The following CFAP74 variants were observed in gnomAD, a reference collection of about 807,000 sequenced individuals.
CFAP74 encodes the protein cilia and flagella associated protein 74.
Under a neutral mutation model 188.9 loss-of-function variants are expected in CFAP74, and 124 were observed. That is an observed-to-expected ratio of 0.66 (90% CI 0.57 to 0.76). The LOEUF is 0.76. Ranked by LOEUF, CFAP74 falls within the 30% of genes least tolerant of loss-of-function variation. The probability of loss-of-function intolerance (pLI) is 0.00; values close to 1 mark genes in which losing one functional copy is unlikely to be tolerated. For synonymous variants in CFAP74, 956 were observed against 916.7 expected (o/e 1.04, Z -0.77); for missense variants, 2,198 against 2,165.2 (o/e 1.02, Z -0.30).
At position 1,923,252 on chromosome 1, in the gene CFAP74, C is replaced by G; in HGVS notation, c.4523-107G>C. The G allele has an allele frequency of 3.3e-6, 5 of 1,495,184 alleles. No homozygotes were observed. The highest frequency in any genetic ancestry group is 4.5e-6 in the Non-Finnish European group (5 of 1,113,504). The allele number at this position is 1,495,184 out of a possible 1,614,324, so 92.6% of individuals were successfully genotyped here. On this transcript the variant is annotated intron_variant, in intron 36 of 38. Transcript: ENST00000682832. This position sits in a 1 kb window ranked among gnomAD's most constrained non-coding sequence, Gnocchi z 6.3. Reference sequence around the variant, plus strand: ...TTAGCAGTGGCTGTCCTGCTTGGCTCTGGGGTAGAAGGCTGGGAATCCCTG... The same window carrying G: ...TTAGCAGTGGCTGTCCTGCTTGGCTGTGGGGTAGAAGGCTGGGAATCCCTG...
intron 27 of CFAP74, among the ~76,000 whole-genome samples, chr1:1,928,522 T>C (rs1223625112): frequency 6.6e-6 from 1 of 152,192 alleles, no homozygotes; most frequent in Non-Finnish European, 1.5e-5. Context: ...GCTGCACCCC[T>C]GGGTCACAGC....
Position 1,970,901 on chromosome 1 carries a change from G to T in CFAP74, c.889-85C>A, listed in dbSNP as rs77915279. On this transcript the variant is annotated intron_variant, in intron 9 of 38. Transcript: ENST00000682832. ...CACACCTGCACATGTGCACACACAG[G>T]TTCATACATGCACACGTGCACACAC... 5,300 of 1,521,896 alleles carry T rather than the reference G, an allele frequency of 3.5e-3. 176 individuals are homozygous for T. In the East Asian group the frequency reaches 0.076, roughly 22 times the overall value. The allele number at this position is 1,521,896 out of a possible 1,614,324, so 94.3% of individuals were successfully genotyped here.
chr1:1,950,630 G>A (rs72894732), intron 18 of CFAP74, among the ~76,000 whole-genome samples: 11,766 of 152,114 alleles, frequency 0.077, 1,472 homozygotes, highest in African/African-American at 0.26. Flanking sequence ...GTGAGCCACC[G>A]CGCCTAGGCT....
rs540002704 is a variant in CFAP74, at chr1:1,930,022, C to T, written c.3288+38G>A. ...AGGGGTAAATGCAGGTGGCGTGGAG[C>T]TCCTGCTTCCCAGCCTGCATGTGGG... On this transcript the variant is annotated intron_variant, in intron 26 of 38. Coordinates refer to ENST00000682832, the MANE Select transcript of CFAP74 (RefSeq NM_001304360.2). 30 of 1,478,860 alleles carry T rather than the reference C, an allele frequency of 2.0e-5. No individual in the cohort carries two copies. The South Asian group carries it at 3.7e-4, about 18-fold the overall frequency. 91.6% of individuals were successfully genotyped at this position (1,478,860 alleles called of 1,614,324 possible).
chr1:1,975,610 G>A lies in CFAP74; in HGVS notation c.501-1412C>T, dbSNP rs1340187422. Among the ~76,000 whole-genome samples the A allele has an allele frequency of 2.6e-5, 4 of 152,128 alleles. No individual in the cohort carries two copies. The highest frequency in any genetic ancestry group is 4.4e-5 in the Non-Finnish European group (3 of 68,034). On this transcript the variant is annotated intron_variant, in intron 6 of 38. Transcript: ENST00000682832. This position sits in a 1 kb window ranked among gnomAD's most constrained non-coding sequence, Gnocchi z 4.5. ...TTTTAAACAGAGGGCTCCTTTCCAGGGAGCATGGGTCACTTCGGATCTCTG... is the reference window on the plus strand; with the variant it reads ...TTTTAAACAGAGGGCTCCTTTCCAGAGAGCATGGGTCACTTCGGATCTCTG...
At chr1:1,966,651 G>A in intron 11 of CFAP74, 125 bp from the exon 12 acceptor site, 2 of 782,070 alleles carry the variant, frequency 2.6e-6, no homozygotes, top group Non-Finnish European at 3.6e-6. Flanking sequence ...CACGTACTCT[G>A]CATGGAGATA....
At position 1,966,472 on chromosome 1, in the gene CFAP74, T is replaced by C. The variant is rs1655480087; in HGVS notation, c.1300A>G (p.Ser434Gly). 2 of 1,602,530 alleles carry C rather than the reference T, an allele frequency of 1.2e-6. No homozygotes were observed. Among genetic ancestry groups the C allele is most frequent in the South Asian group, 2.2e-5 (2 of 89,724 alleles). Residue 434 changes from serine (S) to glycine (G), a missense_variant, in exon 12 of 39, where the codon AGT (serine) becomes GGT (glycine). Coordinates refer to ENST00000682832, the MANE Select transcript of CFAP74 (RefSeq NM_001304360.2). The stretch of plus-strand genomic sequence containing the variant: ...CCGGGGTCCCCCTGGATAAGCTCAC[T>C]GGAAACGACTTCCAGCAACCGAGAG... ...GPSRLLEVVS[S>G]ELIQGDPGAS... is the part of the protein sequence containing the mutation.
At chr1:1,964,789 C>G in intron 13 of CFAP74, 99 bp downstream of exon 13, 4 of 1,353,110 alleles carry the variant, frequency 3.0e-6, no homozygotes, top group Non-Finnish European at 4.1e-6. Context: ...GACTCCATCT[C>G]AAAAAAAAGC....
chr1:1,990,705 T>C (rs562524944), intron 2 of CFAP74, among the ~76,000 whole-genome samples, 185 bp downstream of exon 2: 4 of 152,294 alleles, frequency 2.6e-5, no homozygotes, highest in Admixed American at 2.6e-4. Context: ...GCCTTCAACA[T>C]CTCAGCCACA....
intron 20 of CFAP74, 73 bp from the exon 21 acceptor site, chr1:1,944,525 C>T: frequency 4.0e-6 from 6 of 1,484,392 alleles, no homozygotes; most frequent in Non-Finnish European, 4.5e-6. Context: ...AGCACTGACA[C>T]AGCTCCCAGG....
intron 9 of CFAP74, among the ~76,000 whole-genome samples, chr1:1,971,090 T>C (rs563944599): frequency 4.7e-5 from 6 of 127,850 alleles, no homozygotes; most frequent in East Asian, 5.3e-4. Flanking sequence ...CACTCATACA[T>C]GCACACCTGC....
intron 6 of CFAP74, among the ~76,000 whole-genome samples, chr1:1,978,089 C>A (rs890211680): frequency 6.6e-6 from 1 of 152,264 alleles, no homozygotes; most frequent in Non-Finnish European, 1.5e-5. Flanking sequence ...CTCAAGCGAT[C>A]TGCCCACCTT....
chr1:1,932,007 G>A (rs1420540049), intron 25 of CFAP74, among the ~76,000 whole-genome samples: 3 of 145,126 alleles, frequency 2.1e-5, no homozygotes, highest in African/African-American at 7.7e-5. Context: ...TAGAGGTTGC[G>A]GTGAGCTGAG....
At chr1:1,965,134 C>T (rs1047798137) in intron 12 of CFAP74, 73 bp from the exon 13 acceptor site, 14 of 1,454,614 alleles carry the variant, frequency 9.6e-6, no homozygotes, top group African/African-American at 5.6e-5. Flanking sequence ...AGCTCGGAGG[C>T]GAGGGTAGCG....
intron 22 of CFAP74, 105 bp from the exon 23 acceptor site, chr1:1,940,508 G>A (rs1026601936): frequency 1.9e-5 from 15 of 783,534 alleles, no homozygotes; most frequent in South Asian, 7.4e-5. Flanking sequence ...GAGCTACGGC[G>A]TCTCTGGAAC....
chr1:1,955,284 G>T, intron 18 of CFAP74: 1 of 1,295,302 alleles, frequency 7.7e-7, no homozygotes, highest in South Asian at 1.2e-5. Flanking sequence ...CATGGGGAGG[G>T]CAGGGCCCGC....
chr1:1,975,686 T>C lies in CFAP74; in HGVS notation c.501-1488A>G, dbSNP rs1656390762. On this transcript the variant is annotated intron_variant, in intron 6 of 38. Transcript: ENST00000682832. This position sits in a 1 kb window ranked among gnomAD's most constrained non-coding sequence, Gnocchi z 4.5. ...TCATTGCTCCCCAAGTCTGGGGGAC[T>C]CCGCGGAGCTTCCACGGGCGGGTTA... is the stretch of plus-strand genomic sequence containing the variant. 6.6e-6 allele frequency among the ~76,000 whole-genome samples: 1 copy of C among 152,186 alleles called. No individual in the cohort carries two copies. Among genetic ancestry groups the C allele is most frequent in the East Asian group, 1.9e-4 (1 of 5,194 alleles).
chr1:1,978,866 G>A (rs1233854216), intron 6 of CFAP74, among the ~76,000 whole-genome samples: 1 of 152,276 alleles, frequency 6.6e-6, no homozygotes, highest in Non-Finnish European at 1.5e-5. Context: ...TGGGTCCCAT[G>A]TGGCCAAGCG....
At position 1,927,304 on chromosome 1, in the gene CFAP74, C is replaced by T. The variant is rs1021843048; in HGVS notation, c.3528-276G>A. On this transcript the variant is annotated intron_variant, in intron 28 of 38. Coordinates refer to ENST00000682832, the MANE Select transcript of CFAP74 (RefSeq NM_001304360.2). ...AGAGAGCCATGTTCCTTCCCGGGGC[C>T]ACAGGCACCCATTAGAGCTTTCCCA... 3 of 576,502 alleles carry T rather than the reference C, an allele frequency of 5.2e-6. No homozygotes were observed. The African/African-American group carries it at 5.6e-5, about 11-fold the overall frequency. The allele number at this position is 576,502 out of a possible 1,614,324, so 35.7% of individuals were successfully genotyped here.
Sources: gnomAD v4.1 joint callset for allele counts (sites outside exome capture counted in the v4.1 genomes callset) on GRCh38, gnomAD v4.1.1 for gene constraint, Gnocchi (gnomAD v3.1) non-coding constraint, MANE v1.5 for transcripts, NCBI Gene and HGNC (gene_info 2026-07-23, HGNC 2026-07-21) for gene names.